Variants in ESR2 observed in about 807,000 individuals in gnomAD.
The protein encoded by ESR2 is estrogen receptor 2, also known as estrogen receptor beta.
ESR2 carries 36 observed loss-of-function variants against 49.6 expected under a neutral mutation model. The observed-to-expected ratio is 0.73, with a 90% CI of 0.56 to 0.96. The LOEUF (loss-of-function observed/expected upper bound fraction) is 0.96. Ranked by LOEUF, ESR2 falls within the 40% of genes least tolerant of loss-of-function variation. The probability of loss-of-function intolerance (pLI) is 0.00; values close to 1 mark genes in which losing one functional copy is unlikely to be tolerated. For missense variants in ESR2, 714 were observed against 693.0 expected (o/e 1.03, Z -0.34); for synonymous variants, 320 against 266.1 (o/e 1.20, Z -1.97).
chr14:64,289,612 C>G (rs984130868), intron 1 of ESR2, among the ~76,000 whole-genome samples: 1 of 152,074 alleles, frequency 6.6e-6, no homozygotes, highest in African/African-American at 2.4e-5. Context: ...TGGTATATCA[C>G]TGGATACACA....
At chr14:64,233,465 G>T (rs536343482) in intron 8 of ESR2, 142 bp from the exon 9 acceptor site, 105 of 734,404 alleles carry the variant, frequency 1.4e-4, no homozygotes, top group African/African-American at 7.9e-4. Context: ...TCCATGGCTC[G>T]TGCATCCAGC....
chr14:64,253,560 T>TTGTGTGTGTGTGTGTG (rs752711685), intron 6 of ESR2, among the ~76,000 whole-genome samples: 15 of 136,622 alleles, frequency 1.1e-4, no homozygotes, highest in Admixed American at 2.3e-4. Flanking sequence ...GGTACACTAT[T>TTGTGTGTGTGTGTGTG]TGTGTGTGTG....
intron 7 of ESR2, among the ~76,000 whole-genome samples, chr14:64,248,505 CAAAAAAAAAAAAA>C (rs56108535): frequency 1.1e-5 from 1 of 87,266 alleles, no homozygotes; most frequent in South Asian, 4.2e-4. Flanking sequence ...GATCCTGTCT[CAAAAAAAAAAAAA>C]AAAAGAAAAA....
intron 7 of ESR2, among the ~76,000 whole-genome samples, chr14:64,248,148 C>A (rs531978048): frequency 1.3e-5 from 2 of 151,926 alleles, no homozygotes; most frequent in African/African-American, 4.8e-5. Context: ...AAACCATGAT[C>A]GTGCCACTGC....
At chr14:64,242,608 CAAAA>C (rs879753951) in intron 7 of ESR2, among the ~76,000 whole-genome samples, 2 of 141,118 alleles carry the variant, frequency 1.4e-5, no homozygotes, top group Admixed American at 1.4e-4. Context: ...TTCTAGTTAC[CAAAA>C]AAAAAAAAAT....
intron 7 of ESR2, among the ~76,000 whole-genome samples, chr14:64,248,505 CA>C (rs56108535): frequency 0.43 from 37,569 of 86,400 alleles, 4,235 homozygotes; most frequent in Middle Eastern, 0.51. Flanking sequence ...GATCCTGTCT[CA>C]AAAAAAAAAA....
chr14:64,310,282 C>CAAA (rs35325527), intron 1 of ESR2, among the ~76,000 whole-genome samples: 22 of 109,136 alleles, frequency 2.0e-4, no homozygotes, highest in African/African-American at 3.6e-4. Flanking sequence ...GACGTCGTCT[C>CAAA]AAAAAATAAT....
At chr14:64,283,792 G>GAAAAA (rs76529465) in intron 1 of ESR2, among the ~76,000 whole-genome samples, 6,578 of 139,636 alleles carry the variant, frequency 0.047, 466 homozygotes, top group East Asian at 0.36. Flanking sequence ...TACCATTTCC[G>GAAAAA]AAAAAAGTTT....
At chr14:64,233,457 C>T in intron 8 of ESR2, 134 bp from the exon 9 acceptor site, 1 of 798,782 alleles carries the variant, frequency 1.3e-6, no homozygotes, top group Non-Finnish European at 2.0e-6. Context: ...CCCATTTATC[C>T]ATGGCTCGTG....
At chr14:64,275,129 A>G (rs988636903) in intron 3 of ESR2, among the ~76,000 whole-genome samples, 2 of 152,242 alleles carry the variant, frequency 1.3e-5, no homozygotes, top group East Asian at 1.9e-4. Context: ...TTTAGTGCAG[A>G]TTAAATCTGA....
chr14:64,233,504 A>C, intron 8 of ESR2, 181 bp from the exon 9 acceptor site: 1 of 594,764 alleles, frequency 1.7e-6, no homozygotes, highest in East Asian at 2.8e-5. Context: ...CTCAAGGGCA[A>C]GGACGATGTC....
intron 6 of ESR2, among the ~76,000 whole-genome samples, chr14:64,252,130 G>A (rs1244264664): frequency 2.0e-5 from 3 of 151,922 alleles, no homozygotes; most frequent in East Asian, 1.9e-4. Context: ...CAGCCTGGGC[G>A]ATGTAGCAAG....
intron 1 of ESR2, among the ~76,000 whole-genome samples, chr14:64,304,891 C>CAATA (rs557498752): frequency 1.5e-4 from 22 of 150,812 alleles, no homozygotes; most frequent in Middle Eastern, 3.5e-3. Flanking sequence ...AACAAACAAA[C>CAATA]AATAAATAAA....
chr14:64,328,596 G>C (rs1415500159), intron 1 of ESR2, among the ~76,000 whole-genome samples: 1 of 152,106 alleles, frequency 6.6e-6, no homozygotes, highest in Non-Finnish European at 1.5e-5. Context: ...GTCCATTTGT[G>C]TTGCTATAAG....
At chr14:64,309,839 C>CT in intron 1 of ESR2, among the ~76,000 whole-genome samples, 1 of 152,080 alleles carries the variant, frequency 6.6e-6, no homozygotes, top group Admixed American at 6.6e-5. Context: ...GTAATCCCAG[C>CT]ACTTTGGGAG....
At chr14:64,276,045 G>C (rs922124833) in intron 3 of ESR2, among the ~76,000 whole-genome samples, 1 of 152,076 alleles carries the variant, frequency 6.6e-6, no homozygotes, top group Non-Finnish European at 1.5e-5. Context: ...ATAATAAAAT[G>C]TAAAAACAAA....
chr14:64,297,683 C>T (rs970526164), upstream of ESR2: 3 of 152,124 alleles, frequency 2.0e-5, no homozygotes, highest in African/African-American at 4.8e-5. Context: ...GAGAATTTTC[C>T]GTAGGAAAGA....
chr14:64,305,527 C>T (rs991499768), intron 1 of ESR2, among the ~76,000 whole-genome samples: 2 of 151,422 alleles, frequency 1.3e-5, no homozygotes, highest in African/African-American at 4.9e-5. Context: ...AAAAATTAGG[C>T]GGGCGTGGTA....
chr14:64,285,546 G>A (rs1346485541), intron 1 of ESR2, among the ~76,000 whole-genome samples: 2 of 152,122 alleles, frequency 1.3e-5, no homozygotes, highest in African/African-American at 2.4e-5. Flanking sequence ...GTGCATAGGA[G>A]AGTAAGAAGT....
Sources: allele counts gnomAD v4.1 joint callset (sites outside exome capture counted in the v4.1 genomes callset), GRCh38; gene constraint gnomAD v4.1.1; transcripts MANE v1.5; gene names NCBI Gene and HGNC (gene_info 2026-07-23, HGNC 2026-07-21).